Variants in KCNAB1 observed in about 807,000 individuals in gnomAD.
The protein encoded by KCNAB1 is potassium voltage-gated channel subfamily A regulatory beta subunit 1.
In KCNAB1, 35 loss-of-function variants were observed where a neutral mutation model predicts 64.6. The ratio of observed to expected loss-of-function variants is 0.54; its 90% CI spans 0.41 to 0.72. The LOEUF is 0.72. KCNAB1 is among the 30% of genes least tolerant of loss of function. The pLI, the probability that KCNAB1 is intolerant of heterozygous loss-of-function variation, is 0.00. For missense variants in KCNAB1, 401 were observed against 512.9 expected (o/e 0.78, Z 2.11); for synonymous variants, 177 against 183.8 (o/e 0.96, Z 0.30).
At chr3:156,418,273 T>C (rs1485352971) in intron 1 of KCNAB1, among the ~76,000 whole-genome samples, 1 of 152,236 alleles carries the variant, frequency 6.6e-6, no homozygotes, top group Non-Finnish European at 1.5e-5. Context: ...TATAAAGTTG[T>C]TTTTCTGCAC....
chr3:156,313,132 T>A (rs1224477307), intron 1 of KCNAB1, among the ~76,000 whole-genome samples: 1 of 152,214 alleles, frequency 6.6e-6, no homozygotes, highest in East Asian at 1.9e-4. Flanking sequence ...TACATTTAAA[T>A]GAAATCCAAT....
At chr3:156,325,524 C>T (rs1054654949) in intron 1 of KCNAB1, among the ~76,000 whole-genome samples, 2 of 151,790 alleles carry the variant, frequency 1.3e-5, no homozygotes, top group African/African-American at 4.8e-5. Flanking sequence ...CTTATCTTTC[C>T]TTTGGATACT....
At chr3:156,340,903 C>T (rs1246416503) in intron 1 of KCNAB1, among the ~76,000 whole-genome samples, 1 of 152,136 alleles carries the variant, frequency 6.6e-6, no homozygotes, top group African/African-American at 2.4e-5. Context: ...GTTGTTTCTT[C>T]CTCAAAGTAT....
intron 1 of KCNAB1, among the ~76,000 whole-genome samples, chr3:156,147,530 C>G (rs1401148234): frequency 6.6e-6 from 1 of 152,100 alleles, no homozygotes; most frequent in Middle Eastern, 3.2e-3. Context: ...AACAAAAACA[C>G]AGATTTCTTT....
At chr3:156,478,244 T>G (rs1714524821) in intron 8 of KCNAB1, among the ~76,000 whole-genome samples, 1 of 152,154 alleles carries the variant, frequency 6.6e-6, no homozygotes, top group Admixed American at 6.6e-5. Context: ...CTATTTTAGG[T>G]TCACTTGCAT....
At chr3:156,193,249 G>A (rs796437550) in intron 1 of KCNAB1, among the ~76,000 whole-genome samples, 2 of 151,948 alleles carry the variant, frequency 1.3e-5, no homozygotes, top group African/African-American at 4.8e-5. Flanking sequence ...ATTTTTTGAT[G>A]ACACAAAAAC....
intron 1 of KCNAB1, among the ~76,000 whole-genome samples, chr3:156,184,449 G>T (rs1713064470): frequency 6.6e-6 from 1 of 152,184 alleles, no homozygotes; most frequent in Admixed American, 6.5e-5. Flanking sequence ...GGGCTGGGAG[G>T]CAGGCTGGGG....
intron 1 of KCNAB1, among the ~76,000 whole-genome samples, chr3:156,288,648 T>C (rs1720224795): frequency 6.6e-6 from 1 of 152,104 alleles, no homozygotes; most frequent in South Asian, 2.1e-4. Context: ...AGAATGCCCA[T>C]GTGGTATCAG....
chr3:156,514,015 G>A (rs1717392454), intron 8 of KCNAB1, among the ~76,000 whole-genome samples: 1 of 152,144 alleles, frequency 6.6e-6, no homozygotes, highest in African/African-American at 2.4e-5. Flanking sequence ...CTTTAGTCGG[G>A]AAGGTACTCA....
chr3:156,195,948 G>C (rs1713893921), intron 1 of KCNAB1, among the ~76,000 whole-genome samples: 1 of 152,008 alleles, frequency 6.6e-6, no homozygotes, highest in Non-Finnish European at 1.5e-5. Flanking sequence ...TAATCCATCT[G>C]AAGTTAATTT....
Position 156,158,185 on chromosome 3 carries a change from AATAAATAAAT to A in KCNAB1, c.275+37301_275+37310del, listed in dbSNP as rs1560112438. On this transcript the variant is annotated intron_variant, in intron 1 of 13. Coordinates refer to ENST00000490337, the MANE Select transcript of KCNAB1 (RefSeq NM_172160.3). Reference sequence around the variant, plus strand: ...GTCTCAAAAAAAAAAATAAAAAATAAATAAATAAATAAATAAATAAATAAATAAATAAATA... The same window carrying A: ...GTCTCAAAAAAAAAAATAAAAAATAAAAATAAATAAATAAATAAATAAATA... 5.2e-4 allele frequency among the ~76,000 whole-genome samples: 51 copies of A among 98,164 alleles called. 3 individuals are homozygous for A. The East Asian group carries it at 0.012, about 23-fold the overall frequency. 64.4% of individuals were successfully genotyped at this position (98,164 alleles called of 152,430 possible). A position where few individuals can be genotyped will look rare whatever the true frequency, so the allele number is the denominator to read the frequency against.
At chr3:156,124,319 C>T (rs528480311) in intron 1 of KCNAB1, among the ~76,000 whole-genome samples, 4 of 151,632 alleles carry the variant, frequency 2.6e-5, no homozygotes, top group African/African-American at 9.7e-5. Flanking sequence ...TGGGTTCGAG[C>T]GATTCGCCTG....
At chr3:156,467,301 T>C (rs1713487949) in intron 7 of KCNAB1, among the ~76,000 whole-genome samples, 1 of 152,234 alleles carries the variant, frequency 6.6e-6, no homozygotes. Context: ...AGTCAAACCA[T>C]TGTAAGTTGT....
At chr3:156,124,293 T>C (rs1713520031) in intron 1 of KCNAB1, among the ~76,000 whole-genome samples, 1 of 151,838 alleles carries the variant, frequency 6.6e-6, no homozygotes, top group East Asian at 1.9e-4. Context: ...CTCAGCTCAC[T>C]GCAACCTCCG....
chr3:156,192,122 CTT>C (rs550523456), intron 1 of KCNAB1, among the ~76,000 whole-genome samples: 2 of 152,102 alleles, frequency 1.3e-5, no homozygotes, highest in South Asian at 4.1e-4. Flanking sequence ...CATGTATACT[CTT>C]TTTTTGGTCT....
intron 1 of KCNAB1, 135 bp from the exon 2 acceptor site, chr3:156,421,481 T>C (rs1338887895): frequency 2.5e-6 from 2 of 793,672 alleles, no homozygotes; most frequent in African/African-American, 1.7e-5. Flanking sequence ...CTCAAGACAA[T>C]ATGCCGGCAT....
chr3:156,269,554 T>G (rs1319521936), intron 1 of KCNAB1, among the ~76,000 whole-genome samples: 2 of 152,214 alleles, frequency 1.3e-5, no homozygotes. Flanking sequence ...TTTGTTGATT[T>G]TTTTGTTCTA....
At chr3:156,494,903 G>A (rs770338053) in intron 8 of KCNAB1, among the ~76,000 whole-genome samples, 52 of 152,158 alleles carry the variant, frequency 3.4e-4, no homozygotes, top group Admixed American at 6.5e-4. Flanking sequence ...ACATGTGTAG[G>A]ATGTACAGGT....
chr3:156,457,821 G>A (rs1712565075), intron 4 of KCNAB1, among the ~76,000 whole-genome samples: 1 of 152,236 alleles, frequency 6.6e-6, no homozygotes, highest in Admixed American at 6.5e-5. Context: ...AGCGGAGTCT[G>A]ATGCCAGAGT....
Sources: allele counts gnomAD v4.1 joint callset (sites outside exome capture counted in the v4.1 genomes callset), GRCh38; gene constraint gnomAD v4.1.1; transcripts MANE v1.5; gene names NCBI Gene and HGNC (gene_info 2026-07-23, HGNC 2026-07-21).